Variants in LIN28B observed in about 807,000 individuals in gnomAD.
LIN28B encodes the protein protein lin-28 homolog B.
In LIN28B, 5 loss-of-function variants were observed where a neutral mutation model predicts 21.9. The ratio of observed to expected loss-of-function variants is 0.23; its 90% CI spans 0.12 to 0.48. LIN28B has a LOEUF of 0.48. LIN28B is among the 20% of genes least tolerant of loss of function. The pLI is 0.98. For missense variants in LIN28B, 245 were observed against 310.5 expected, an observed-to-expected ratio of 0.79 and a Z score of 1.58; for synonymous variants, 109 against 111.3, an observed-to-expected ratio of 0.98 and a Z score of 0.13.
chr6:104,981,053 TA>T (rs1056753214), intron 2 of LIN28B, among the ~76,000 whole-genome samples: 10 of 152,170 alleles, frequency 6.6e-5, no homozygotes, highest in Admixed American at 6.5e-4. Context: ...TTTTAGCTAG[TA>T]AAAATACAGT....
In LIN28B at chr6:105,063,640, G is replaced by A. The variant is rs576745414; in HGVS notation, c.384-14774G>A. The stretch of plus-strand genomic sequence containing the variant: ...GACAGAGCAAGACTCCATCTCGGGG[G>A]GGGGGGGGAAAAAAAGGTAAAGTAA... On this transcript the variant is annotated intron_variant, in intron 3 of 3. Coordinates refer to ENST00000345080, the MANE Select transcript of LIN28B (RefSeq NM_001004317.4). 6.4e-4 allele frequency among the ~76,000 whole-genome samples: 91 copies of A among 141,838 alleles called. 3 individuals are homozygous for A. The highest frequency in any genetic ancestry group is 1.1e-3 in the Non-Finnish European group (73 of 66,252). The allele number at this position is 141,838 out of a possible 152,430, so 93.1% of individuals were successfully genotyped here.
Position 105,079,264 on chromosome 6 carries a change from T to C in LIN28B, c.*481T>C, listed in dbSNP as rs1772493627. On this transcript the variant is annotated 3_prime_UTR_variant, in exon 4 of 4. Transcript: ENST00000345080. ...TATTATATAAAACTAAAAACACGAC[T>C]GTTACCTTTTGTGTGAACCAAAGGA... The C allele has an allele frequency of 6.5e-6, 1 of 152,922 alleles. No homozygotes were observed. Among genetic ancestry groups the C allele is most frequent in the Non-Finnish European group, 1.5e-5 (1 of 68,262 alleles). The allele number at this position is 152,922 out of a possible 1,614,324, so 9.5% of individuals were successfully genotyped here. A position where few individuals can be genotyped will look rare whatever the true frequency, so the allele number is the denominator to read the frequency against.
chr6:104,973,533 TC>T (rs913010384), intron 2 of LIN28B, among the ~76,000 whole-genome samples: 10 of 151,824 alleles, frequency 6.6e-5, no homozygotes, highest in African/African-American at 1.9e-4. Flanking sequence ...TTTTTCCTCC[TC>T]CCCCCACTCC....
In LIN28B at chr6:105,083,009, A is replaced by G. The variant is rs1345123305; in HGVS notation, c.*4226A>G. The G allele has an allele frequency of 1.3e-5, 2 of 152,642 alleles. No individual in the cohort carries two copies. Among genetic ancestry groups the G allele is most frequent in the African/African-American group, 4.8e-5 (2 of 41,464 alleles). 9.5% of individuals were successfully genotyped at this position (152,642 alleles called of 1,614,324 possible). A position where few individuals can be genotyped will look rare whatever the true frequency, so the allele number is the denominator to read the frequency against. Reference sequence around the variant, plus strand: ...GAACCCTGATTTTTATATGTCTTTAATAATGGTGTTTTATCTAGTGTTTTT... The same window carrying G: ...GAACCCTGATTTTTATATGTCTTTAGTAATGGTGTTTTATCTAGTGTTTTT... On this transcript the variant is annotated 3_prime_UTR_variant, in exon 4 of 4. Transcript: ENST00000345080.
At chr6:104,990,993 T>C (rs1404075185) in intron 2 of LIN28B, among the ~76,000 whole-genome samples, 2 of 152,224 alleles carry the variant, frequency 1.3e-5, no homozygotes, top group African/African-American at 4.8e-5. Flanking sequence ...ATCTGATTTC[T>C]CTATCTTTTC....
chr6:104,991,450 C>G (rs1388058294), intron 2 of LIN28B, among the ~76,000 whole-genome samples: 1 of 143,916 alleles, frequency 6.9e-6, no homozygotes, highest in Non-Finnish European at 1.5e-5. Context: ...ACATCTCAGA[C>G]GATGGGCGGC....
intron 2 of LIN28B, among the ~76,000 whole-genome samples, chr6:104,961,504 G>T (rs1257221752): frequency 6.6e-6 from 1 of 151,790 alleles, no homozygotes; most frequent in African/African-American, 2.4e-5. Context: ...GAGTTCAAGC[G>T]ATTCTTCTGC....
chr6:104,951,988 A>G (rs1340271717), intron 3 of LIN28B, among the ~76,000 whole-genome samples: 7 of 152,092 alleles, frequency 4.6e-5, no homozygotes, highest in Non-Finnish European at 8.8e-5. Flanking sequence ...AACTTGTCTC[A>G]TCTTTTACCC....
At chr6:104,967,040 T>A (rs1420871384) in intron 2 of LIN28B, among the ~76,000 whole-genome samples, 2 of 152,096 alleles carry the variant, frequency 1.3e-5, no homozygotes, top group African/African-American at 4.8e-5. Flanking sequence ...TTACAGAGAT[T>A]TACAGGCGTG....
At chr6:104,954,238 C>G (rs1778256832), upstream of LIN28B, among the ~76,000 whole-genome samples, 1 of 152,070 alleles carries the variant, frequency 6.6e-6, no homozygotes, top group Admixed American at 6.5e-5. Flanking sequence ...AAATTAAAAC[C>G]AGAAGACTTC....
At position 105,076,861 on chromosome 6, in the gene LIN28B, C is replaced by T. The variant is rs182743485; in HGVS notation, c.384-1553C>T. ...CCTCATAATCCGCCTGTCTCGGTCT[C>T]CCAAAGTGCTGGGATTACAAGCGTG... On this transcript the variant is annotated intron_variant, in intron 3 of 3. Coordinates refer to ENST00000345080, the MANE Select transcript of LIN28B (RefSeq NM_001004317.4). 2.3e-3 allele frequency among the ~76,000 whole-genome samples: 355 copies of T among 151,984 alleles called. 3 individuals are homozygous for T. Among genetic ancestry groups the T allele is most frequent in the East Asian group, 3.9e-3 (20 of 5,082 alleles).
chr6:105,031,485 T>C (rs1771421562), intron 3 of LIN28B, among the ~76,000 whole-genome samples: 1 of 151,878 alleles, frequency 6.6e-6, no homozygotes, highest in Non-Finnish European at 1.5e-5. Context: ...TGTATATAAA[T>C]ATATACATAA....
chr6:105,060,084 G>T (rs996519683), intron 3 of LIN28B, among the ~76,000 whole-genome samples: 1 of 152,036 alleles, frequency 6.6e-6, no homozygotes, highest in Non-Finnish European at 1.5e-5. Context: ...TGTATTTTTA[G>T]TAGAGACAGG....
In LIN28B at chr6:105,031,679, A is replaced by G. The variant is rs968677307; in HGVS notation, c.383+5197A>G. 1.0e-3 allele frequency among the ~76,000 whole-genome samples: 152 copies of G among 151,940 alleles called. 1 individual carries two copies. The highest frequency in any genetic ancestry group is 3.2e-4 in the Non-Finnish European group (22 of 67,944). ...CTCCCGAGTAGCCGGGACCACAGGC[A>G]CCCACCACCACACGTCGCTAATTTT... is the stretch of plus-strand genomic sequence containing the variant. On this transcript the variant is annotated intron_variant, in intron 3 of 3. Coordinates refer to ENST00000345080, the MANE Select transcript of LIN28B (RefSeq NM_001004317.4).
intron 2 of LIN28B, among the ~76,000 whole-genome samples, chr6:105,012,161 C>CA (rs1329863675): frequency 1.4e-5 from 2 of 147,110 alleles, no homozygotes; most frequent in Non-Finnish European, 3.0e-5. Flanking sequence ...CCGTCTCAAA[C>CA]AAAAAATAAA....
chr6:105,048,523 C>T (rs771870750), intron 3 of LIN28B, among the ~76,000 whole-genome samples: 44 of 152,174 alleles, frequency 2.9e-4, no homozygotes, highest in East Asian at 7.7e-4. Context: ...AGGATGATGC[C>T]GGCCTCATAA....
intron 2 of LIN28B, among the ~76,000 whole-genome samples, chr6:105,005,650 C>CT (rs1770802850): frequency 6.6e-6 from 1 of 152,072 alleles, no homozygotes; most frequent in Non-Finnish European, 1.5e-5. Flanking sequence ...AAAGTGTTTG[C>CT]TTCCCCTTTG....
chr6:105,044,576 T>G (rs1032667129), intron 3 of LIN28B, among the ~76,000 whole-genome samples: 2 of 152,188 alleles, frequency 1.3e-5, no homozygotes, highest in Non-Finnish European at 2.9e-5. Context: ...AATAGAAATT[T>G]CAATTCCCAC....
At chr6:105,049,484 T>C (rs1771845989) in intron 3 of LIN28B, among the ~76,000 whole-genome samples, 1 of 152,186 alleles carries the variant, frequency 6.6e-6, no homozygotes, top group African/African-American at 2.4e-5. Context: ...TTCTGTTGAT[T>C]TGGGGTGGAG....
Sources: allele counts gnomAD v4.1 joint callset (sites outside exome capture counted in the v4.1 genomes callset), GRCh38; gene constraint gnomAD v4.1.1; transcripts MANE v1.5; gene names NCBI Gene and HGNC (gene_info 2026-07-23, HGNC 2026-07-21).